The following PLEKHG4B variants were observed in gnomAD, a reference collection of about 807,000 sequenced individuals.
The protein encoded by PLEKHG4B is pleckstrin homology and RhoGEF domain containing G4B.
In PLEKHG4B, 111 loss-of-function variants were observed where a neutral mutation model predicts 121.3. That is an observed-to-expected ratio of 0.92 (90% confidence interval 0.78 to 1.07). The LOEUF (loss-of-function observed/expected upper bound fraction) is 1.07, where lower values mean the gene tolerates loss of function less well. Ranked by LOEUF, PLEKHG4B falls within the 50% of genes least tolerant of loss-of-function variation. The probability of loss-of-function intolerance (pLI) is 0.00; values close to 1 mark genes in which losing one functional copy is unlikely to be tolerated. For synonymous variants in PLEKHG4B, 738 were observed against 725.0 expected, an observed-to-expected ratio of 1.02 and a Z score of -0.29; for missense variants, 1,831 against 1,757.8, an observed-to-expected ratio of 1.04 and a Z score of -0.74.
At chr5:136,433 A>C (rs1734986235) in intron 2 of PLEKHG4B, among the ~76,000 whole-genome samples, 1 of 152,238 alleles carries the variant, frequency 6.6e-6, no homozygotes, top group African/African-American at 2.4e-5. Flanking sequence ...ATAAGGGATT[A>C]ATATCCAGAA....
At chr5:167,239 C>G (rs1293282604) in intron 13 of PLEKHG4B, among the ~76,000 whole-genome samples, 4 of 152,228 alleles carry the variant, frequency 2.6e-5, no homozygotes, top group Admixed American at 2.6e-4. Flanking sequence ...GGGCCAGTTC[C>G]TGACCAGCCA....
Position 113,180 on chromosome 5 carries a change from G to A in PLEKHG4B, c.46-71G>A. 2.5e-6 allele frequency: 1 copy of A among 398,538 alleles called. No individual in the cohort carries two copies. The highest frequency in any genetic ancestry group is 4.4e-6 in the Non-Finnish European group (1 of 226,018). 24.7% of individuals were successfully genotyped at this position (398,538 alleles called of 1,614,324 possible). Reference sequence around the variant, plus strand: ...CTTCCGTGTGGATCCTTCAGTGCCAGCCTTGGACTGTGGTGTGCACCTGTC... The same window carrying A: ...CTTCCGTGTGGATCCTTCAGTGCCAACCTTGGACTGTGGTGTGCACCTGTC... On this transcript the variant is annotated intron_variant, in intron 1 of 19. Transcript: ENST00000637938. The surrounding 1 kb of genome is among the most constrained non-coding windows in gnomAD (Gnocchi z 5.2).
At chr5:130,668 G>A (rs536407934) in intron 2 of PLEKHG4B, among the ~76,000 whole-genome samples, 3 of 152,276 alleles carry the variant, frequency 2.0e-5, no homozygotes, top group Non-Finnish European at 2.9e-5. Flanking sequence ...CAGTGAAGTC[G>A]AGTGCCCTCA....
rs1289104240 is a variant in PLEKHG4B, at chr5:182,746, G to A, written c.*423G>A. 3.0e-5 allele frequency: 6 copies of A among 199,514 alleles called. No individual in the cohort carries two copies. Among genetic ancestry groups the A allele is most frequent in the Non-Finnish European group, 6.3e-5 (6 of 95,312 alleles). The allele number at this position is 199,514 out of a possible 1,614,324, so 12.4% of individuals were successfully genotyped here. A position where few individuals can be genotyped will look rare whatever the true frequency, so the allele number is the denominator to read the frequency against. ...AGTTTGCAGGCCTCAGTGCAGGGAGGGGCCCAGGAAGAGCCCAGCAGCCTC... is the reference window on the plus strand; with the variant it reads ...AGTTTGCAGGCCTCAGTGCAGGGAGAGGCCCAGGAAGAGCCCAGCAGCCTC... On this transcript the variant is annotated 3_prime_UTR_variant, in exon 20 of 20. Transcript: ENST00000637938.
At chr5:154,384 C>T (rs1650721835) in intron 7 of PLEKHG4B, among the ~76,000 whole-genome samples, 1 of 152,142 alleles carries the variant, frequency 6.6e-6, no homozygotes, top group African/African-American at 2.4e-5. Context: ...TGGAGCTCAG[C>T]CACTCCCACA....
At chr5:177,467 G>T (rs1329190394) in intron 18 of PLEKHG4B, among the ~76,000 whole-genome samples, 1 of 152,112 alleles carries the variant, frequency 6.6e-6, no homozygotes, top group African/African-American at 2.4e-5. Flanking sequence ...AGACCACTTT[G>T]GTCAAATAAT....
intron 2 of PLEKHG4B, among the ~76,000 whole-genome samples, chr5:117,086 G>A (rs1241066910): frequency 6.6e-6 from 1 of 152,090 alleles, no homozygotes. Flanking sequence ...CTACAAAATT[G>A]CTTGTCTTCT....
chr5:140,263 G>A lies in PLEKHG4B; in HGVS notation c.1024G>A (p.Asp342Asn), dbSNP rs1484548488. Residue 342 changes from aspartate to asparagine, a missense_variant, in exon 3 of 20, where the codon GAC becomes AAC. Physicochemically the swap from Asp to Asn is conservative, Grantham distance 23. Transcript: ENST00000637938. ...IPSSRRRPPG[D>N]PTCVQPRRWF... ...GAGCAGCAGGAGGCGGCCGCCGGGG[G>A]ACCCCACTTGTGTGCAGCCTAGACG... 4 of 1,455,328 alleles carry A rather than the reference G, an allele frequency of 2.7e-6. No individual in the cohort carries two copies. The highest frequency in any genetic ancestry group is 1.4e-5 in the African/African-American group (1 of 69,860). The allele number at this position is 1,455,328 out of a possible 1,614,324, so 90.2% of individuals were successfully genotyped here. A position where few individuals can be genotyped will look rare whatever the true frequency, so the allele number is the denominator to read the frequency against.
At chr5:135,609 T>C (rs961439592) in intron 2 of PLEKHG4B, among the ~76,000 whole-genome samples, 7 of 136,792 alleles carry the variant, frequency 5.1e-5, no homozygotes, top group African/African-American at 1.6e-4. Flanking sequence ...GAGCTTGCAG[T>C]GAGCCGAGAT....
chr5:122,046 A>G (rs1349480164), intron 2 of PLEKHG4B, among the ~76,000 whole-genome samples: 1 of 152,224 alleles, frequency 6.6e-6, no homozygotes, highest in Non-Finnish European at 1.5e-5. Context: ...AGTAAATGAA[A>G]TTATACTACT....
At chr5:141,754 G>A (rs1387074251) in intron 3 of PLEKHG4B, among the ~76,000 whole-genome samples, 2 of 135,932 alleles carry the variant, frequency 1.5e-5, no homozygotes, top group Admixed American at 1.5e-4. Flanking sequence ...TATCCTGTGA[G>A]TAACACAACC....
At chr5:162,111 G>T (rs2126435812) in intron 12 of PLEKHG4B, among the ~76,000 whole-genome samples, 167 bp downstream of exon 12, 1 of 152,334 alleles carries the variant, frequency 6.6e-6, no homozygotes, top group African/African-American at 2.4e-5. Flanking sequence ...TCTGGAGAAG[G>T]CTCTGAGCCG....
chr5:159,256 G>T lies in PLEKHG4B; in HGVS notation c.2487+2345G>T, dbSNP rs2126430934. ...TGCACTGAGGGCAGGTGTGCCTGAGGGTCGCCCAGGTGCACTGAGGGCAGG... is the reference window on the plus strand; with the variant it reads ...TGCACTGAGGGCAGGTGTGCCTGAGTGTCGCCCAGGTGCACTGAGGGCAGG... On this transcript the variant is annotated intron_variant, in intron 11 of 19. Coordinates refer to ENST00000637938, the MANE Select transcript of PLEKHG4B (RefSeq NM_052909.5). This position sits in a 1 kb window ranked among gnomAD's most constrained non-coding sequence, Gnocchi z 5.5. 1.3e-5 allele frequency among the ~76,000 whole-genome samples: 2 copies of T among 151,932 alleles called. No individual in the cohort carries two copies. The highest frequency in any genetic ancestry group is 3.9e-4 in the East Asian group (2 of 5,156).
intron 11 of PLEKHG4B, among the ~76,000 whole-genome samples, chr5:160,024 T>C (rs973549183): frequency 3.3e-5 from 5 of 152,224 alleles, no homozygotes; most frequent in Non-Finnish European, 5.9e-5. Flanking sequence ...CTCTGCAGTC[T>C]TCACCCAGAA....
At chr5:132,902 A>G (rs147363576) in intron 2 of PLEKHG4B, among the ~76,000 whole-genome samples, 3,340 of 152,118 alleles carry the variant, frequency 0.022, 68 homozygotes, top group Non-Finnish European at 0.033. Flanking sequence ...ATATGAATGT[A>G]GGATTGTTTT....
At chr5:175,408 C>T (rs943607920) in intron 18 of PLEKHG4B, among the ~76,000 whole-genome samples, 1 of 152,136 alleles carries the variant, frequency 6.6e-6, no homozygotes, top group Admixed American at 6.5e-5. Flanking sequence ...AACCACCCCC[C>T]ACCCCAGACC....
chr5:134,030 A>G lies in PLEKHG4B; in HGVS notation c.244-5453A>G, dbSNP rs140494431. Among the ~76,000 whole-genome samples, 585 of 142,960 alleles carry G rather than the reference A, an allele frequency of 4.1e-3. 5 individuals carry two copies. The highest frequency in any genetic ancestry group is 0.014 in the African/African-American group (558 of 38,886). 93.8% of individuals were successfully genotyped at this position (142,960 alleles called of 152,430 possible). On this transcript the variant is annotated intron_variant, in intron 2 of 19. Transcript: ENST00000637938. Reference sequence around the variant, plus strand: ...AGATGGACTACATATATGATGGAATATATATAGATAGAATATATATATGAT... The same window carrying G: ...AGATGGACTACATATATGATGGAATGTATATAGATAGAATATATATATGAT...
In PLEKHG4B at chr5:151,611, G is replaced by C. The variant is rs1215632768; in HGVS notation, c.1992+12G>C. ...ATGCAATAATTCAGGTAATGGTTTA[G>C]ACTGTGGGATCCTGAGTGATGGATA... On this transcript the variant is annotated intron_variant, in intron 7 of 19. Transcript: ENST00000637938. 1 of 1,529,324 alleles carries C rather than the reference G, an allele frequency of 6.5e-7. No individual in the cohort carries two copies. Among genetic ancestry groups the C allele is most frequent in the East Asian group, 2.3e-5 (1 of 44,360 alleles). 94.7% of individuals were successfully genotyped at this position (1,529,324 alleles called of 1,614,324 possible). A position where few individuals can be genotyped will look rare whatever the true frequency, so the allele number is the denominator to read the frequency against.
In PLEKHG4B at chr5:139,024, G is replaced by C. The variant is rs1404747262; in HGVS notation, c.244-459G>C. Among the ~76,000 whole-genome samples, 1 of 152,242 alleles carries C rather than the reference G, an allele frequency of 6.6e-6. No individual in the cohort carries two copies. Among genetic ancestry groups the C allele is most frequent in the Non-Finnish European group, 1.5e-5 (1 of 68,038 alleles). On this transcript the variant is annotated intron_variant, in intron 2 of 19. Coordinates refer to ENST00000637938, the MANE Select transcript of PLEKHG4B (RefSeq NM_052909.5). This position sits in a 1 kb window ranked among gnomAD's most constrained non-coding sequence, Gnocchi z 5.0. ...CGCTAAGGAGGCCGAGGTAGCGCCT[G>C]CAGCAGCCGGGAGCCACAGGGAGCA...
Sources: gnomAD v4.1 joint callset for allele counts (sites outside exome capture counted in the v4.1 genomes callset) on GRCh38, gnomAD v4.1.1 for gene constraint, Gnocchi (gnomAD v3.1) non-coding constraint, MANE v1.5 for transcripts, NCBI Gene and HGNC (gene_info 2026-07-23, HGNC 2026-07-21) for gene names.